ST7: variants seen among roughly 807,000 people sequenced by gnomAD.
ST7 encodes suppressor of tumorigenicity 7 protein.
ST7 carries 28 observed loss-of-function variants against 78.7 expected under a neutral mutation model. The observed-to-expected ratio is 0.36, with a 90% CI of 0.26 to 0.49. The LOEUF is 0.49. Ranked by LOEUF, ST7 falls within the 20% of genes least tolerant of loss-of-function variation. The probability of loss-of-function intolerance (pLI) is 0.99; values close to 1 mark genes in which losing one functional copy is unlikely to be tolerated. For missense variants in ST7, 418 were observed against 696.0 expected (o/e 0.60, Z 4.49); for synonymous variants, 247 against 249.6 (o/e 0.99, Z 0.10).
intron 1 of ST7, among the ~76,000 whole-genome samples, chr7:117,080,058 G>A (rs949285351): frequency 4.9e-5 from 6 of 121,984 alleles, no homozygotes; most frequent in African/African-American, 1.2e-4. Context: ...TCGGCTCACC[G>A]CAAGCTCCGC....
chr7:117,210,273 A>C (rs1378214053), intron 13 of ST7, among the ~76,000 whole-genome samples: 1 of 152,224 alleles, frequency 6.6e-6, no homozygotes, highest in African/African-American at 2.4e-5. Context: ...GCATTGGGTT[A>C]GGCTTCGTGC....
intron 1 of ST7, among the ~76,000 whole-genome samples, chr7:116,985,712 G>A (rs1296723459): frequency 6.6e-6 from 1 of 152,190 alleles, no homozygotes; most frequent in Non-Finnish European, 1.5e-5. Flanking sequence ...CAGAATTTGT[G>A]TTATGCAACT....
chr7:117,090,294 A>G (rs1800511647), intron 1 of ST7, among the ~76,000 whole-genome samples: 1 of 152,128 alleles, frequency 6.6e-6, no homozygotes, highest in Admixed American at 6.5e-5. Flanking sequence ...AGTCCCAGCC[A>G]TCAAAGACTT....
intron 2 of ST7, among the ~76,000 whole-genome samples, chr7:117,102,757 A>C (rs1801660939): frequency 6.6e-6 from 1 of 152,094 alleles, no homozygotes; most frequent in South Asian, 2.1e-4. Flanking sequence ...GATAGGTGAT[A>C]GAAGAGAAAA....
chr7:116,976,527 G>A (rs1793713306), intron 1 of ST7, among the ~76,000 whole-genome samples: 1 of 152,160 alleles, frequency 6.6e-6, no homozygotes, highest in African/African-American at 2.4e-5. Flanking sequence ...AGTGGCAGAA[G>A]CAAAAGAAGC....
intron 11 of ST7, among the ~76,000 whole-genome samples, chr7:117,189,738 C>T (rs533433831): frequency 1.3e-5 from 2 of 152,160 alleles, no homozygotes; most frequent in Admixed American, 6.5e-5. Flanking sequence ...CTCCCTTCAG[C>T]GGTCCATAAC....
chr7:117,134,062 G>A, intron 6 of ST7, 62 bp from the exon 7 acceptor site: 1 of 1,597,204 alleles, frequency 6.3e-7, no homozygotes, highest in South Asian at 1.1e-5. Context: ...ATGACATAGT[G>A]ACTCTCTCTG....
intron 1 of ST7, among the ~76,000 whole-genome samples, chr7:117,011,679 A>G (rs1189896549): frequency 1.3e-5 from 2 of 152,220 alleles, no homozygotes; most frequent in Admixed American, 6.5e-5. Flanking sequence ...GCCAAATGCT[A>G]TAAGTACAAC....
At chr7:117,150,777 C>T (rs1806179410) in intron 9 of ST7, among the ~76,000 whole-genome samples, 1 of 152,206 alleles carries the variant, frequency 6.6e-6, no homozygotes, top group Non-Finnish European at 1.5e-5. Flanking sequence ...TACCTGACAT[C>T]ATTACTTAGG....
At chr7:117,046,947 G>A (rs1330549309) in intron 1 of ST7, among the ~76,000 whole-genome samples, 1 of 152,134 alleles carries the variant, frequency 6.6e-6, no homozygotes, top group East Asian at 1.9e-4. Context: ...TCTATGAAAT[G>A]GAGGATAATA....
Position 117,135,950 on chromosome 7 carries a change from C to A in ST7, c.711-131C>A, listed in dbSNP as rs544114478. On this transcript the variant is annotated intron_variant, in intron 7 of 15. Coordinates refer to ENST00000323984, the MANE Select transcript of ST7 (RefSeq NM_001369598.1). Reference sequence around the variant, plus strand: ...ATTATTTTGTGTCAGCAACTACAAACAGGAGTGCATGAACCAGTTGGCCAC... The same window carrying A: ...ATTATTTTGTGTCAGCAACTACAAAAAGGAGTGCATGAACCAGTTGGCCAC... 27 of 868,958 alleles carry A rather than the reference C, an allele frequency of 3.1e-5. 1 individual carries two copies. In the African/African-American group the frequency reaches 4.2e-4, roughly 14 times the overall value. The allele number at this position is 868,958 out of a possible 1,614,324, so 53.8% of individuals were successfully genotyped here.
chr7:117,034,678 A>G (rs1345136297), intron 1 of ST7, among the ~76,000 whole-genome samples: 1 of 152,156 alleles, frequency 6.6e-6, no homozygotes, highest in Non-Finnish European at 1.5e-5. Context: ...GCTTTGTTAG[A>G]TTTACTTAAA....
intron 1 of ST7, chr7:117,080,859 A>G (rs972719136): frequency 1.7e-4 from 26 of 152,336 alleles, no homozygotes; most frequent in African/African-American, 5.3e-4. Flanking sequence ...ATATTTTAAT[A>G]CCAACCTTAT....
At chr7:117,106,295 G>T (rs1355721343) in intron 2 of ST7, among the ~76,000 whole-genome samples, 2 of 152,182 alleles carry the variant, frequency 1.3e-5, no homozygotes, top group African/African-American at 2.4e-5. Flanking sequence ...ACCGCACCCG[G>T]CCAGGAAATG....
intron 3 of ST7, among the ~76,000 whole-genome samples, chr7:117,122,220 A>ACATATGGG (rs1803443119): frequency 6.6e-6 from 1 of 152,184 alleles, no homozygotes; most frequent in African/African-American, 2.4e-5. Context: ...AGAAAACAGG[A>ACATATGGG]CATATGGGAA....
intron 9 of ST7, among the ~76,000 whole-genome samples, chr7:117,150,803 T>C (rs771637999): frequency 2.0e-5 from 3 of 152,252 alleles, no homozygotes; most frequent in Non-Finnish European, 4.4e-5. Flanking sequence ...AATAAGTACC[T>C]CAAACTCAAT....
intron 10 of ST7, among the ~76,000 whole-genome samples, chr7:117,182,102 A>T (rs1808813709): frequency 6.6e-6 from 1 of 152,222 alleles, no homozygotes; most frequent in Non-Finnish European, 1.5e-5. Context: ...ATTTCTAAAA[A>T]TCAGATCTTG....
chr7:117,134,072 G>T, intron 6 of ST7, 52 bp from the exon 7 acceptor site: 1 of 1,604,258 alleles, frequency 6.2e-7, no homozygotes, highest in South Asian at 1.1e-5. Context: ...GACTCTCTCT[G>T]AATGTTCCTA....
chr7:117,098,845 A>C (rs113745069), intron 1 of ST7: 20 of 1,300,126 alleles, frequency 1.5e-5, no homozygotes, highest in African/African-American at 7.6e-5. Context: ...GATAATAATA[A>C]AAGTTTTGTG....
Sources: allele counts gnomAD v4.1 joint callset (sites outside exome capture counted in the v4.1 genomes callset), GRCh38; gene constraint gnomAD v4.1.1; transcripts MANE v1.5; gene names NCBI Gene and HGNC (gene_info 2026-07-23, HGNC 2026-07-21).